The following VPS26C variants were observed in gnomAD, a reference collection of about 807,000 sequenced individuals.
The protein encoded by VPS26C is VPS26 endosomal protein sorting factor C, also known as vacuolar protein sorting-associated protein 26C.
A neutral mutation model predicts 30.6 loss-of-function variants in VPS26C; 19 were observed. The observed-to-expected ratio is 0.62, with a 90% CI of 0.43 to 0.91. The LOEUF (loss-of-function observed/expected upper bound fraction) is 0.91. VPS26C is among the 40% of genes least tolerant of loss of function. VPS26C has a pLI of 0.00. For missense variants in VPS26C, 318 were observed against 385.1 expected (o/e 0.83, Z 1.46); for synonymous variants, 132 against 151.5 (o/e 0.87, Z 0.95).
chr21:37,247,733 G>T (rs1010087964), intron 1 of VPS26C, among the ~76,000 whole-genome samples: 4 of 152,178 alleles, frequency 2.6e-5, no homozygotes, highest in African/African-American at 9.7e-5. Context: ...GGTGGATTTG[G>T]AGAGGATAAA....
intron 1 of VPS26C, among the ~76,000 whole-genome samples, chr21:37,260,886 A>T (rs1227117015): frequency 6.6e-6 from 1 of 152,198 alleles, no homozygotes; most frequent in African/African-American, 2.4e-5. Flanking sequence ...TGATACCTAG[A>T]ATATTATTTA....
At chr21:37,264,708 T>C (rs978223938) in intron 1 of VPS26C, among the ~76,000 whole-genome samples, 1 of 152,200 alleles carries the variant, frequency 6.6e-6, no homozygotes, top group Admixed American at 6.5e-5. Flanking sequence ...TGGTAGACTG[T>C]AAAGTGGTGC....
Position 37,238,676 on chromosome 21 carries a change from C to T in VPS26C, c.202-67G>A, listed in dbSNP as rs77766386. ...AAATGTCCTTTCCAATTACTAATAA[C>T]GTTCTGAAGGACACAGCACCCCGAC... is the stretch of plus-strand genomic sequence containing the variant. On this transcript the variant is annotated intron_variant, in intron 2 of 7. Transcript: ENST00000309117. The T allele has an allele frequency of 6.6e-4, 1,045 of 1,576,070 alleles. 12 individuals are homozygous for T. In the East Asian group the frequency reaches 0.021, roughly 32 times the overall value.
upstream of VPS26C, chr21:37,267,420 C>G (rs2086380137): frequency 1.2e-6 from 1 of 801,496 alleles, no homozygotes; most frequent in African/African-American, 1.7e-5. Context: ...CACGTGACCT[C>G]GCAGCGGCGT....
Position 37,259,898 on chromosome 21 carries a change from G to A in VPS26C, c.57+7340C>T, listed in dbSNP as rs111755213. ...GCAATTCTAAGGGTGAACAGACTTC[G>A]GAGCGTGGAAAAGAACATGACAATG... On this transcript the variant is annotated intron_variant, in intron 1 of 7. Coordinates refer to ENST00000309117, the MANE Select transcript of VPS26C (RefSeq NM_006052.2). 8.4e-3 allele frequency among the ~76,000 whole-genome samples: 1,286 copies of A among 152,260 alleles called. 11 individuals carry two copies. Among genetic ancestry groups the A allele is most frequent in the African/African-American group, 0.03 (1,234 of 41,538 alleles).
At chr21:37,232,241 T>G (rs2085972111) in intron 5 of VPS26C, 136 bp downstream of exon 5, 1 of 713,546 alleles carries the variant, frequency 1.4e-6, no homozygotes, top group Admixed American at 2.5e-5. Flanking sequence ...AAATACTGAG[T>G]AATTTGGGTA....
Position 37,225,507 on chromosome 21 carries a change from A to T in VPS26C, c.*37T>A. The T allele has an allele frequency of 6.4e-7, 1 of 1,567,982 alleles. No individual in the cohort carries two copies. ...TTTGGATAACCAGCTGGATTTCCAG[A>T]TGGCCACTCCCGTTCTCTATGCTTC... On this transcript the variant is annotated 3_prime_UTR_variant, in exon 8 of 8. Transcript: ENST00000309117.
chr21:37,260,608 G>A (rs2086294327), intron 1 of VPS26C, among the ~76,000 whole-genome samples: 1 of 152,198 alleles, frequency 6.6e-6, no homozygotes, highest in Admixed American at 6.5e-5. Context: ...TGCAAGCTTG[G>A]AGAAAGGGTC....
intron 5 of VPS26C, chr21:37,229,097 A>G (rs1021865435): frequency 6.6e-6 from 1 of 152,156 alleles, no homozygotes; most frequent in African/African-American, 2.4e-5. Context: ...TTTCATGGAA[A>G]TTTGAAGAAA....
chr21:37,249,746 C>G (rs2086172572), intron 1 of VPS26C, among the ~76,000 whole-genome samples: 1 of 152,122 alleles, frequency 6.6e-6, no homozygotes, highest in African/African-American at 2.4e-5. Context: ...CAAGCTGATT[C>G]TGAAGTTTAT....
intron 4 of VPS26C, 60 bp from the exon 5 acceptor site, chr21:37,232,511 T>C (rs373211007): frequency 1.4e-6 from 2 of 1,422,196 alleles, no homozygotes; most frequent in East Asian, 2.3e-5. Flanking sequence ...GCAGGTCAAA[T>C]AGCTTTTCCC....
At chr21:37,232,519 C>G in intron 4 of VPS26C, 68 bp from the exon 5 acceptor site, 4 of 1,390,748 alleles carry the variant, frequency 2.9e-6, no homozygotes, top group Non-Finnish European at 4.1e-6. Flanking sequence ...AATAGCTTTT[C>G]CCTTTCAAAA....
At chr21:37,267,066 A>C (rs2086372403) in intron 1 of VPS26C, 172 bp downstream of exon 1, 3 of 669,666 alleles carry the variant, frequency 4.5e-6, no homozygotes, top group Admixed American at 2.4e-5. Flanking sequence ...TCGCGCGGGA[A>C]GCACCTGGCG....
At chr21:37,236,035 T>C (rs1381576356) in intron 3 of VPS26C, among the ~76,000 whole-genome samples, 1 of 152,036 alleles carries the variant, frequency 6.6e-6, no homozygotes, top group African/African-American at 2.4e-5. Flanking sequence ...AGCACGTCTA[T>C]CTTTTAAATC....
In VPS26C at chr21:37,233,046, G is replaced by A. The variant is rs2085982064; in HGVS notation, c.432+316C>T. Among the ~76,000 whole-genome samples, 1 of 152,200 alleles carries A rather than the reference G, an allele frequency of 6.6e-6. No homozygotes were observed. The highest frequency in any genetic ancestry group is 1.5e-5 in the Non-Finnish European group (1 of 68,034). On this transcript the variant is annotated intron_variant, in intron 4 of 7. Coordinates refer to ENST00000309117, the MANE Select transcript of VPS26C (RefSeq NM_006052.2). The surrounding 1 kb of genome is among the most constrained non-coding windows in gnomAD (Gnocchi z 5.2). ...GCCGAGCTTCATGAGAGCCTGCCTG[G>A]CATTTTTTATCCAGGGGCTGGGATG...
At chr21:37,238,376 G>A (rs1034968201) in intron 3 of VPS26C, 84 bp downstream of exon 3, 62 of 1,484,902 alleles carry the variant, frequency 4.2e-5, no homozygotes, top group East Asian at 3.2e-4. Context: ...TCTTGGGCCC[G>A]TCTACTAACG....
At chr21:37,239,177 T>C (rs558151349) in intron 2 of VPS26C, among the ~76,000 whole-genome samples, 1 of 152,326 alleles carries the variant, frequency 6.6e-6, no homozygotes, top group South Asian at 2.1e-4. Flanking sequence ...GAACCTGCCT[T>C]CAAGGCACGT....
chr21:37,227,238 C>T (rs74685968), intron 7 of VPS26C: 3,715 of 164,394 alleles, frequency 0.023, 146 homozygotes, highest in African/African-American at 0.085. Context: ...TGCTCGTTCA[C>T]GGGAGTTTTC....
intron 1 of VPS26C, 156 bp downstream of exon 1, chr21:37,267,082 G>A (rs528542556): frequency 5.5e-6 from 4 of 725,066 alleles, no homozygotes; most frequent in Admixed American, 4.3e-5. Context: ...TGGCGGGGAC[G>A]CACCTGGCGG....
Sources: allele counts gnomAD v4.1 joint callset (sites outside exome capture counted in the v4.1 genomes callset), GRCh38; gene constraint gnomAD v4.1.1; non-coding constraint Gnocchi (gnomAD v3.1); transcripts MANE v1.5; gene names NCBI Gene and HGNC (gene_info 2026-07-23, HGNC 2026-07-21).